FOXP1: variants seen among roughly 807,000 people sequenced by gnomAD.
FOXP1 encodes the protein forkhead box P1.
FOXP1 carries 15 observed loss-of-function variants against 98.2 expected under a neutral mutation model. That is an observed-to-expected ratio of 0.15 (90% confidence interval 0.10 to 0.24). The LOEUF is 0.24. Ranked by LOEUF, FOXP1 falls within the 10% of genes least tolerant of loss-of-function variation. The pLI, the probability that FOXP1 is intolerant of heterozygous loss-of-function variation, is 1.00. For synonymous variants in FOXP1, 371 were observed against 314.5 expected (o/e 1.18, Z -1.90); for missense variants, 633 against 848.5 (o/e 0.75, Z 3.15).
intron 6 of FOXP1, among the ~76,000 whole-genome samples, chr3:71,145,400 G>C (rs889598872): frequency 1.3e-5 from 2 of 152,024 alleles, no homozygotes; most frequent in Non-Finnish European, 2.9e-5. Context: ...AGCTGGGCGT[G>C]GTGGCACATG....
intron 2 of FOXP1, among the ~76,000 whole-genome samples, chr3:71,538,135 A>G (rs1364943535): frequency 1.3e-5 from 2 of 152,234 alleles, no homozygotes; most frequent in African/African-American, 4.8e-5. Flanking sequence ...TTCTACAAGT[A>G]AAGAAATGCA....
chr3:71,473,747 T>G (rs533810007), intron 3 of FOXP1, among the ~76,000 whole-genome samples: 8 of 152,126 alleles, frequency 5.3e-5, no homozygotes, highest in Non-Finnish European at 1.0e-4. Flanking sequence ...AGAAGGGGGT[T>G]GATATTAGGA....
chr3:71,011,297 C>T (rs575694430), intron 12 of FOXP1, among the ~76,000 whole-genome samples: 1 of 152,128 alleles, frequency 6.6e-6, no homozygotes, highest in East Asian at 1.9e-4. Context: ...CTGGAGGCAG[C>T]ATGTAATGCA....
chr3:71,262,948 T>C (rs565626665), intron 5 of FOXP1, among the ~76,000 whole-genome samples: 3 of 152,146 alleles, frequency 2.0e-5, no homozygotes, highest in South Asian at 2.1e-4. Context: ...TGGGACTCCA[T>C]TGGCAAAACG....
intron 6 of FOXP1, among the ~76,000 whole-genome samples, chr3:71,124,326 C>A (rs944492228): frequency 4.9e-4 from 72 of 148,060 alleles, no homozygotes; most frequent in Admixed American, 4.8e-3. Flanking sequence ...CATATGCTTA[C>A]AATTTTTTTT....
chr3:71,459,262 T>C (rs2087791750), intron 3 of FOXP1, among the ~76,000 whole-genome samples: 2 of 152,358 alleles, frequency 1.3e-5, no homozygotes, highest in East Asian at 3.9e-4. Flanking sequence ...AATTTATTTA[T>C]TGACTGAAGA....
At chr3:71,079,920 C>G (rs192630374) in intron 7 of FOXP1, among the ~76,000 whole-genome samples, 1 of 152,316 alleles carries the variant, frequency 6.6e-6, no homozygotes, top group Non-Finnish European at 1.5e-5. Flanking sequence ...ACTTAAATAA[C>G]TCACTCAGAG....
intron 4 of FOXP1, chr3:71,334,878 C>T (rs1312036180): frequency 6.6e-6 from 1 of 152,116 alleles, no homozygotes; most frequent in Non-Finnish European, 1.5e-5. Flanking sequence ...ACCTGTATTA[C>T]TAAAAAGTAC....
At chr3:71,075,490 C>T (rs560537156) in intron 7 of FOXP1, among the ~76,000 whole-genome samples, 1 of 152,300 alleles carries the variant, frequency 6.6e-6, no homozygotes, top group East Asian at 1.9e-4. Context: ...AAATTTAACT[C>T]AGCAGCGGCA....
chr3:71,052,394 G>C (rs1361378202), intron 9 of FOXP1, 143 bp downstream of exon 9: 2 of 700,498 alleles, frequency 2.9e-6, no homozygotes, highest in Non-Finnish European at 2.6e-6. Context: ...GTGAAAACAG[G>C]ACAATAATTC....
intron 3 of FOXP1, among the ~76,000 whole-genome samples, chr3:71,490,787 T>C (rs1262979421): frequency 6.6e-6 from 1 of 152,178 alleles, no homozygotes; most frequent in Non-Finnish European, 1.5e-5. Context: ...CTTCAACAAA[T>C]CCATTCATGT....
At chr3:71,000,533 T>C (rs1559683450) in intron 13 of FOXP1, among the ~76,000 whole-genome samples, 3 of 152,086 alleles carry the variant, frequency 2.0e-5, no homozygotes, top group Non-Finnish European at 4.4e-5. Context: ...TCATTCACAT[T>C]CATTCTCTCA....
At chr3:71,240,689 G>T (rs185051024) in intron 5 of FOXP1, among the ~76,000 whole-genome samples, 1 of 151,490 alleles carries the variant, frequency 6.6e-6, no homozygotes, top group Non-Finnish European at 1.5e-5. Context: ...TTACAGGCGC[G>T]TGCCACCATG....
chr3:71,532,654 C>T (rs1244799401), intron 2 of FOXP1, among the ~76,000 whole-genome samples: 1 of 152,158 alleles, frequency 6.6e-6, no homozygotes, highest in Non-Finnish European at 1.5e-5. Flanking sequence ...CCCAACTGTG[C>T]AGACAGGAGA....
intron 5 of FOXP1, among the ~76,000 whole-genome samples, chr3:71,250,684 C>A (rs1373384503): frequency 6.6e-6 from 1 of 152,160 alleles, no homozygotes; most frequent in African/African-American, 2.4e-5. Context: ...AATCCTAGCA[C>A]TTTTGGGAGG....
At chr3:71,098,086 G>A (rs1021955277) in intron 7 of FOXP1, among the ~76,000 whole-genome samples, 3 of 152,168 alleles carry the variant, frequency 2.0e-5, no homozygotes, top group South Asian at 2.1e-4. Context: ...GCCAAAGTCT[G>A]CAAAATAATA....
chr3:71,128,356 G>A (rs895937799), intron 6 of FOXP1, among the ~76,000 whole-genome samples: 5 of 150,842 alleles, frequency 3.3e-5, no homozygotes, highest in African/African-American at 1.2e-4. Context: ...ATATAGATTT[G>A]AGCCTTTCCC....
In FOXP1 at chr3:71,414,063, G is replaced by A. The variant is rs557728617; in HGVS notation, c.-167-54819C>T. On this transcript the variant is annotated intron_variant, in intron 3 of 20. Transcript: ENST00000649528. ...GGAGGCTCATGCTAAAGCCACCCACGGGTTGCTGGCCACCCAAGGCAAAGA... is the reference window on the plus strand; with the variant it reads ...GGAGGCTCATGCTAAAGCCACCCACAGGTTGCTGGCCACCCAAGGCAAAGA... Among the ~76,000 whole-genome samples the A allele has an allele frequency of 1.4e-4, 22 of 151,808 alleles. No individual in the cohort carries two copies. In the South Asian group the frequency reaches 2.9e-3, roughly 20 times the overall value.
At chr3:71,321,564 G>A (rs1005217293) in intron 4 of FOXP1, among the ~76,000 whole-genome samples, 5 of 151,994 alleles carry the variant, frequency 3.3e-5, no homozygotes, top group South Asian at 2.1e-4. Flanking sequence ...AAGAAATTTC[G>A]TGCTCACAAT....
Sources: gnomAD v4.1 joint callset for allele counts (sites outside exome capture counted in the v4.1 genomes callset) on GRCh38, gnomAD v4.1.1 for gene constraint, MANE v1.5 for transcripts, NCBI Gene and HGNC (gene_info 2026-07-23, HGNC 2026-07-21) for gene names.